AFAP1: variants seen among roughly 807,000 people sequenced by gnomAD.
The protein encoded by AFAP1 is actin filament-associated protein 1.
In AFAP1, 75 loss-of-function variants were observed where a neutral mutation model predicts 93.9. The observed-to-expected ratio is 0.80, with a 90% confidence interval of 0.66 to 0.97. AFAP1 has a LOEUF of 0.97. AFAP1 is among the 50% of genes least tolerant of loss of function. AFAP1 has a pLI of 0.00. For missense variants in AFAP1, 1,201 were observed against 1,050.8 expected (o/e 1.14, Z -1.98); for synonymous variants, 517 against 430.7 (o/e 1.20, Z -2.48).
chr4:7,828,415 G>A (rs562601261), intron 6 of AFAP1, among the ~76,000 whole-genome samples: 11 of 152,278 alleles, frequency 7.2e-5, no homozygotes, highest in Admixed American at 6.5e-4. Flanking sequence ...TTCACCATGT[G>A]GTTTCTTCTT....
At chr4:7,828,271 T>C (rs1721611388) in intron 6 of AFAP1, among the ~76,000 whole-genome samples, 1 of 152,202 alleles carries the variant, frequency 6.6e-6, no homozygotes, top group Non-Finnish European at 1.5e-5. Flanking sequence ...CGGCTGGCTA[T>C]GTGAACTTGG....
rs755594567 is a variant in AFAP1 at position 7,768,863 on chromosome 4, T to G, written c.2399A>C (p.His800Pro). 1.2e-6 allele frequency: 2 copies of G among 1,604,472 alleles called. No homozygotes were observed. The highest frequency in any genetic ancestry group is 1.7e-6 in the Non-Finnish European group (2 of 1,173,086). ...AAPGSSPCRG[H>P]VLRKAKEWEL... ...GCTTACCTTGGCCTTCCGCAGCACA[T>G]GCCCTCGGCAGGGGGAGCTGCCCGG... Residue 800 changes from histidine to proline, a missense_variant, in exon 17 of 18, where the codon CAT (histidine) becomes CCT (proline). By Grantham distance (77) the His-to-Pro change is moderately conservative. Transcript: ENST00000420658.
intron 4 of AFAP1, among the ~76,000 whole-genome samples, chr4:7,846,735 C>T (rs140291219): frequency 2.0e-5 from 3 of 152,268 alleles, no homozygotes; most frequent in East Asian, 1.9e-4. Context: ...CATGAAAAGC[C>T]GGGCCTGCTC....
rs552941885 is a variant in AFAP1, at chr4:7,762,302, G to A, written c.*1463C>T. ...CCATCTCTTCCTCTGTGTGAAAAAG[G>A]ACATTCTGGACAGTGGACAGAAGGA... On this transcript the variant is annotated 3_prime_UTR_variant, in exon 18 of 18. Transcript: ENST00000420658. 3 of 152,300 alleles carry A rather than the reference G, an allele frequency of 2.0e-5. 1 individual carries two copies. Among genetic ancestry groups the A allele is most frequent in the African/African-American group, 7.2e-5 (3 of 41,552 alleles). 9.4% of individuals were successfully genotyped at this position (152,300 alleles called of 1,614,324 possible). A position where few individuals can be genotyped will look rare whatever the true frequency, so the allele number is the denominator to read the frequency against.
intron 10 of AFAP1, among the ~76,000 whole-genome samples, chr4:7,799,803 T>C (rs962709762): frequency 8.5e-5 from 13 of 152,232 alleles, no homozygotes; most frequent in Admixed American, 1.3e-4. Flanking sequence ...TTTGAGTATG[T>C]AGCTATGAGT....
chr4:7,875,453 C>T (rs1463311455), intron 1 of AFAP1, among the ~76,000 whole-genome samples: 1 of 152,212 alleles, frequency 6.6e-6, no homozygotes, highest in East Asian at 1.9e-4. Context: ...TAAGCAATCT[C>T]ATCTATACTT....
At chr4:7,861,282 C>T (rs767568869) in intron 3 of AFAP1, among the ~76,000 whole-genome samples, 3 of 152,218 alleles carry the variant, frequency 2.0e-5, no homozygotes, top group South Asian at 2.1e-4. Flanking sequence ...CAGCACCCTA[C>T]GGCATTCATG....
intron 17 of AFAP1, among the ~76,000 whole-genome samples, chr4:7,766,961 G>A (rs1199175244): frequency 3.9e-5 from 6 of 151,912 alleles, no homozygotes; most frequent in Admixed American, 6.6e-5. Flanking sequence ...TCCCACATCC[G>A]GAATACGTCA....
chr4:7,793,173 T>TAAA (rs5855979), intron 11 of AFAP1, among the ~76,000 whole-genome samples: 34 of 150,624 alleles, frequency 2.3e-4, no homozygotes, highest in South Asian at 1.9e-3. Flanking sequence ...TTTTTTTTTT[T>TAAA]AAAAAAATCA....
chr4:7,882,442 T>G (rs28367487), intron 1 of AFAP1, among the ~76,000 whole-genome samples: 150 of 151,624 alleles, frequency 9.9e-4, no homozygotes, highest in African/African-American at 3.5e-3. Flanking sequence ...CTAAACCGAA[T>G]AGAGATAGCA....
chr4:7,937,197 T>A (rs1721436384), intron 1 of AFAP1, among the ~76,000 whole-genome samples: 1 of 152,182 alleles, frequency 6.6e-6, no homozygotes, highest in Non-Finnish European at 1.5e-5. Context: ...TGTCCTTAAC[T>A]CTGAGATAAA....
intron 3 of AFAP1, among the ~76,000 whole-genome samples, chr4:7,856,229 T>C (rs1715044200): frequency 6.6e-6 from 1 of 151,238 alleles, no homozygotes; most frequent in African/African-American, 2.5e-5. Context: ...CCACTCCTTA[T>C]TAAAACCAAT....
intron 4 of AFAP1, among the ~76,000 whole-genome samples, chr4:7,851,634 C>T (rs4413405): frequency 0.79 from 119,626 of 152,108 alleles, 47,379 homozygotes; most frequent in East Asian, 0.94. Context: ...AATGGGCTCA[C>T]GTATATGTGG....
intron 1 of AFAP1, among the ~76,000 whole-genome samples, chr4:7,924,283 C>G (rs1720600417): frequency 6.6e-6 from 1 of 152,224 alleles, no homozygotes; most frequent in South Asian, 2.1e-4. Context: ...CCACAAATAA[C>G]TTCCTACCAA....
rs184552734 is a variant in AFAP1 at position 7,908,142 on chromosome 4, G to T, written c.-3+31514C>A. Among the ~76,000 whole-genome samples, 1,060 of 150,814 alleles carry T rather than the reference G, an allele frequency of 7.0e-3. 43 individuals carry two copies. Among genetic ancestry groups the T allele is most frequent in the Admixed American group, 0.061 (933 of 15,186 alleles). On this transcript the variant is annotated intron_variant, in intron 1 of 17. Transcript: ENST00000420658. ...CACGAGAATCGCTTGAACCTGGGGG[G>T]AGCACGTTGCAGTAAGCCGAGATCA...
chr4:7,930,019 T>C (rs986009171), intron 1 of AFAP1, among the ~76,000 whole-genome samples: 6 of 152,260 alleles, frequency 3.9e-5, no homozygotes, highest in Non-Finnish European at 8.8e-5. Flanking sequence ...CTTGAATTCT[T>C]ATTATGTGAC....
chr4:7,916,487 A>G (rs2149231380), intron 1 of AFAP1, among the ~76,000 whole-genome samples: 1 of 152,262 alleles, frequency 6.6e-6, no homozygotes, highest in East Asian at 1.9e-4. Flanking sequence ...CCCAAAAACA[A>G]GTATCAATTT....
intron 14 of AFAP1, chr4:7,777,465 C>T (rs1716259711): frequency 6.6e-6 from 1 of 152,244 alleles, no homozygotes; most frequent in Non-Finnish European, 1.5e-5. Flanking sequence ...GCCAAGGACA[C>T]TGCCAGCCTC....
At chr4:7,790,764 A>C (rs905467575) in intron 11 of AFAP1, among the ~76,000 whole-genome samples, 1 of 152,216 alleles carries the variant, frequency 6.6e-6, no homozygotes, top group Non-Finnish European at 1.5e-5. Context: ...ATAATTAAAC[A>C]ATAATTAGTA....
Sources: allele counts gnomAD v4.1 joint callset (sites outside exome capture counted in the v4.1 genomes callset), GRCh38; gene constraint gnomAD v4.1.1; transcripts MANE v1.5; gene names NCBI Gene and HGNC (gene_info 2026-07-23, HGNC 2026-07-21).